NUP35: variants seen among roughly 807,000 people sequenced by gnomAD.
NUP35 encodes nucleoporin NUP35.
NUP35 carries 25 observed loss-of-function variants against 41.5 expected under a neutral mutation model. That is an observed-to-expected ratio of 0.60 (90% CI 0.44 to 0.84). The LOEUF (loss-of-function observed/expected upper bound fraction) is 0.84. Ranked by LOEUF, NUP35 falls within the 40% of genes least tolerant of loss-of-function variation. NUP35 has a pLI of 0.00. For missense variants in NUP35, 396 were observed against 396.6 expected (o/e 1.00, Z 0.01); for synonymous variants, 149 against 130.7 (o/e 1.14, Z -0.96).
At chr2:183,131,010 C>A (rs750217702) in intron 3 of NUP35, 2 of 906,522 alleles carry the variant, frequency 2.2e-6, no homozygotes, top group Non-Finnish European at 3.1e-6. Flanking sequence ...CCAACAGGGT[C>A]CTGATCAGTT....
intron 2 of NUP35, 133 bp from the exon 3 acceptor site, chr2:183,130,285 G>C: frequency 2.3e-6 from 2 of 879,842 alleles, no homozygotes; most frequent in Non-Finnish European, 3.3e-6. Context: ...GTCCCCAGGT[G>C]ACTGTTCAGC....
In NUP35 at chr2:183,157,503, T is replaced by G. The variant is rs368354566; in HGVS notation, c.599T>G (p.Leu200Ter). The change falls in exon 6 of 9, where the codon TTA becomes TGA. Residue 200 changes from leucine to a stop codon, truncating the protein, a stop_gained. Coordinates refer to ENST00000295119, the MANE Select transcript of NUP35 (RefSeq NM_138285.5). LOFTEE classifies it high-confidence loss of function. ...LLQFAQYGNI[L>*]KHVMSNTGNW... ...CAATTTGCACAGTATGGGAATATCT[T>G]AAAACATGTGGTAAGGCTTAATTTT... 20 of 1,608,004 alleles carry G rather than the reference T, an allele frequency of 1.2e-5. No homozygotes were observed. The highest frequency in any genetic ancestry group is 1.7e-5 in the Admixed American group (1 of 59,942).
At position 183,127,134 on chromosome 2, in the gene NUP35, A is replaced by G. The variant is rs1012224851; in HGVS notation, c.41-1153A>G. ...TCCTTATTCTGCTATTTTGCTCTGAAATTAGAATTATATAGCTCACTCATC... is the reference window on the plus strand; with the variant it reads ...TCCTTATTCTGCTATTTTGCTCTGAGATTAGAATTATATAGCTCACTCATC... On this transcript the variant is annotated intron_variant, in intron 1 of 8. Transcript: ENST00000295119. Among the ~76,000 whole-genome samples, 19 of 152,300 alleles carry G rather than the reference A, an allele frequency of 1.2e-4. 1 individual carries two copies. In the South Asian group the frequency reaches 3.7e-3, roughly 30 times the overall value.
At chr2:183,141,247 TC>T (rs1459656902) in intron 4 of NUP35, among the ~76,000 whole-genome samples, 1 of 152,122 alleles carries the variant, frequency 6.6e-6, no homozygotes, top group African/African-American at 2.4e-5. Context: ...ATCTCCTACT[TC>T]CCTCTTGTAA....
intron 1 of NUP35, among the ~76,000 whole-genome samples, chr2:183,125,234 T>A (rs944144565): frequency 6.7e-6 from 1 of 150,224 alleles, no homozygotes; most frequent in African/African-American, 2.5e-5. Flanking sequence ...TTGAAATATG[T>A]CGTCTTTGAA....
At chr2:183,135,436 G>T (rs563850686) in intron 4 of NUP35, among the ~76,000 whole-genome samples, 10 of 152,260 alleles carry the variant, frequency 6.6e-5, no homozygotes, top group Non-Finnish European at 1.5e-4. Context: ...TCAGAGAGGA[G>T]AGGTAATGGG....
chr2:183,130,359 T>TA (rs1684652576), intron 2 of NUP35, 59 bp from the exon 3 acceptor site: 2 of 1,490,374 alleles, frequency 1.3e-6, no homozygotes, highest in South Asian at 1.4e-5. Flanking sequence ...AATATAAATT[T>TA]AAAAAATCTT....
intron 4 of NUP35, among the ~76,000 whole-genome samples, chr2:183,144,040 G>C (rs902638511): frequency 6.6e-6 from 1 of 152,174 alleles, no homozygotes. Context: ...GTAATGTTTG[G>C]TAGTTTACTA....
chr2:183,137,238 C>G (rs955053159), intron 4 of NUP35, among the ~76,000 whole-genome samples: 1 of 152,130 alleles, frequency 6.6e-6, no homozygotes. Flanking sequence ...TTAAGCTGAT[C>G]AAACTGTAAC....
chr2:183,142,644 T>TA (rs111868542), intron 4 of NUP35, among the ~76,000 whole-genome samples: 74,079 of 150,640 alleles, frequency 0.49, 19,514 homozygotes, highest in African/African-American at 0.68. Context: ...CATGCTGGGC[T>TA]ACTTTTTGTA....
chr2:183,160,325 T>C (rs1685828006), intron 8 of NUP35: 1 of 152,214 alleles, frequency 6.6e-6, no homozygotes, highest in Non-Finnish European at 1.5e-5. Flanking sequence ...GAACTGTTTT[T>C]TTCTTTAGGT....
intron 1 of NUP35, 51 bp from the exon 2 acceptor site, chr2:183,128,236 T>C: frequency 7.2e-7 from 1 of 1,397,452 alleles, no homozygotes; most frequent in East Asian, 2.5e-5. Flanking sequence ...CATCAACATG[T>C]AACAGAAACT....
chr2:183,124,576 T>C (rs1700122047), intron 1 of NUP35, 79 bp downstream of exon 1: 3 of 1,562,754 alleles, frequency 1.9e-6, no homozygotes, highest in East Asian at 2.2e-5. Context: ...TGAAAGGCAG[T>C]CGTCAGGCTC....
intron 3 of NUP35, chr2:183,131,087 C>T: frequency 2.4e-6 from 1 of 414,256 alleles, no homozygotes; most frequent in Non-Finnish European, 4.9e-6. Context: ...TCAACCAATC[C>T]TCCTGCCTCA....
intron 5 of NUP35, among the ~76,000 whole-genome samples, chr2:183,156,990 A>G (rs1351068701): frequency 6.6e-6 from 1 of 152,154 alleles, no homozygotes; most frequent in Non-Finnish European, 1.5e-5. Context: ...TCTCTTTGTT[A>G]TGATACTAAA....
Position 183,159,669 on chromosome 2 carries a change from A to C in NUP35, c.903+17A>C, listed in dbSNP as rs1559158442. On this transcript the variant is annotated intron_variant, in intron 8 of 8. Coordinates refer to ENST00000295119, the MANE Select transcript of NUP35 (RefSeq NM_138285.5). ...GATTATCAGGTATTTTAAGGATTGG[A>C]TAAAAAAAGATGTACTTTAATGGCT... The C allele has an allele frequency of 6.3e-7, 1 of 1,596,500 alleles. No individual in the cohort carries two copies. Among genetic ancestry groups the C allele is most frequent in the East Asian group, 2.2e-5 (1 of 44,668 alleles).
intron 4 of NUP35, among the ~76,000 whole-genome samples, chr2:183,142,201 T>C (rs897863772): frequency 7.9e-5 from 12 of 152,204 alleles, no homozygotes; most frequent in Non-Finnish European, 1.8e-4. Flanking sequence ...GTGGAACTTT[T>C]TCATTTGTTT....
chr2:183,124,558 G>C (rs1700121583), intron 1 of NUP35, 61 bp downstream of exon 1: 1 of 1,602,404 alleles, frequency 6.2e-7, no homozygotes, highest in East Asian at 2.2e-5. Flanking sequence ...CCTGGAGGCG[G>C]GCAAGACTGA....
intron 4 of NUP35, among the ~76,000 whole-genome samples, chr2:183,143,091 G>C (rs1255892274): frequency 6.7e-6 from 1 of 149,972 alleles, no homozygotes; most frequent in Non-Finnish European, 1.5e-5. Context: ...GGGAGGCGGA[G>C]CTTGCAGTGA....
Sources: allele counts gnomAD v4.1 joint callset (sites outside exome capture counted in the v4.1 genomes callset), GRCh38; gene constraint gnomAD v4.1.1; transcripts MANE v1.5; gene names NCBI Gene and HGNC (gene_info 2026-07-23, HGNC 2026-07-21).